TPTE2: variants seen among roughly 807,000 people sequenced by gnomAD.
The protein encoded by TPTE2 is phosphatidylinositol 3,4,5-trisphosphate 3-phosphatase TPTE2.
Under a neutral mutation model 78.6 loss-of-function variants are expected in TPTE2, and 53 were observed. The observed-to-expected ratio is 0.67, with a 90% CI of 0.54 to 0.85. The LOEUF (loss-of-function observed/expected upper bound fraction) is 0.85. Ranked by LOEUF, TPTE2 falls within the 40% of genes least tolerant of loss-of-function variation. The pLI is 0.00. For synonymous variants in TPTE2, 175 were observed against 206.2 expected (o/e 0.85, Z 1.30); for missense variants, 461 against 623.0 (o/e 0.74, Z 2.77).
intron 4 of TPTE2, among the ~76,000 whole-genome samples, chr13:19,477,016 G>T (rs1467171882): frequency 6.6e-6 from 1 of 152,096 alleles, no homozygotes; most frequent in Non-Finnish European, 1.5e-5. Context: ...ATATACCATG[G>T]AATACTATGC....
At chr13:19,561,018 C>G in the TPTE2 span, 5 of 1,579,098 alleles carry the variant, frequency 3.2e-6, no homozygotes, top group Non-Finnish European at 4.3e-6. Context: ...TCCCCACAGA[C>G]CAGGCAGAGG....
At chr13:19,426,510 T>C (rs1876091832) in exon 18 of TPTE2, 3 of 1,560,022 alleles carry the variant, frequency 1.9e-6, no homozygotes, top group Non-Finnish European at 2.7e-6. Flanking sequence ...TTCAATGTCA[T>C]GCAATATCTA....
chr13:19,459,401 A>T (rs1487961454), intron 10 of TPTE2, among the ~76,000 whole-genome samples: 1 of 152,186 alleles, frequency 6.6e-6, no homozygotes, highest in Non-Finnish European at 1.5e-5. Flanking sequence ...ACCTGTAGCC[A>T]GCCCGCACAT....
chr13:19,543,673 T>G, the TPTE2 span, among the ~76,000 whole-genome samples: 3 of 152,048 alleles, frequency 2.0e-5, no homozygotes, highest in Non-Finnish European at 2.9e-5. Flanking sequence ...AATATTTTCA[T>G]AAATAATCGC....
At chr13:19,459,288 G>A (rs1878737546) in intron 10 of TPTE2, among the ~76,000 whole-genome samples, 1 of 152,014 alleles carries the variant, frequency 6.6e-6, no homozygotes, top group African/African-American at 2.4e-5. Context: ...GTAAATTTAA[G>A]TTCCTCATAG....
intron 18 of TPTE2, among the ~76,000 whole-genome samples, chr13:19,425,443 C>T (rs1282531314): frequency 6.6e-6 from 1 of 152,066 alleles, no homozygotes; most frequent in African/African-American, 2.4e-5. Flanking sequence ...GTTCAGTCAC[C>T]CTCAGCAGTT....
At chr13:19,469,407 A>G (rs913172175) in intron 6 of TPTE2, among the ~76,000 whole-genome samples, 1 of 152,106 alleles carries the variant, frequency 6.6e-6, no homozygotes, top group Non-Finnish European at 1.5e-5. Context: ...TGCCAGTGCC[A>G]TGGTGTTTTG....
At chr13:19,552,440 C>A in the TPTE2 span, 3 of 401,376 alleles carry the variant, frequency 7.5e-6, no homozygotes, top group East Asian at 7.4e-5. Flanking sequence ...TGTCAGATTT[C>A]TTTTAGGACA....
chr13:19,545,258 A>G, the TPTE2 span, among the ~76,000 whole-genome samples: 4 of 152,206 alleles, frequency 2.6e-5, no homozygotes, highest in South Asian at 8.3e-4. Flanking sequence ...GAGAGGAATC[A>G]GGTACCATTG....
chr13:19,491,700 C>CT (rs1484818636), intron 3 of TPTE2, among the ~76,000 whole-genome samples: 1 of 151,988 alleles, frequency 6.6e-6, no homozygotes, highest in Non-Finnish European at 1.5e-5. Context: ...TGGCACATGA[C>CT]TGCAGTCCCA....
intron 3 of TPTE2, among the ~76,000 whole-genome samples, chr13:19,482,853 T>G (rs1880443195): frequency 6.6e-6 from 1 of 150,988 alleles, no homozygotes; most frequent in African/African-American, 2.4e-5. Context: ...ATATAATATA[T>G]AAATAATATA....
Position 19,484,046 on chromosome 13 carries a change from G to C in TPTE2, c.120-1499C>G, listed in dbSNP as rs369586506. 7.3e-5 allele frequency among the ~76,000 whole-genome samples: 11 copies of C among 151,560 alleles called. No homozygotes were observed. In the East Asian group the frequency reaches 2.1e-3, roughly 29 times the overall value. Reference sequence around the variant, plus strand: ...GTGATGTTTGGTGTTTTGTCCTTGCGATAGGTTGCTGAAAAAATGATGAGT... The same window carrying C: ...GTGATGTTTGGTGTTTTGTCCTTGCCATAGGTTGCTGAAAAAATGATGAGT... On this transcript the variant is annotated intron_variant, in intron 3 of 19. Transcript: ENST00000400230.
rs1370312315 is a variant in TPTE2, at chr13:19,486,053, T to G, written c.120-3506A>C. On this transcript the variant is annotated intron_variant, in intron 3 of 19. Transcript: ENST00000400230. The surrounding 1 kb of genome is among the most constrained non-coding windows in gnomAD (Gnocchi z 4.3). ...TATTACTGGATAATTATTATTTCCC[T>G]TTGTAGATGACATGTTTTCTTGCAT... 3.3e-5 allele frequency among the ~76,000 whole-genome samples: 5 copies of G among 152,208 alleles called. No individual in the cohort carries two copies. The highest frequency in any genetic ancestry group is 5.9e-5 in the Non-Finnish European group (4 of 68,022).
the TPTE2 span, chr13:19,560,877 G>A: frequency 2.6e-6 from 4 of 1,568,604 alleles, no homozygotes; most frequent in East Asian, 2.4e-5. Context: ...CAGGCCTTGC[G>A]TCTCCGCTTG....
intron 13 of TPTE2, among the ~76,000 whole-genome samples, chr13:19,441,047 A>G (rs575350338): frequency 6.6e-6 from 1 of 151,900 alleles, no homozygotes; most frequent in East Asian, 1.9e-4. Context: ...AGACTGCGCC[A>G]TTGCACTCCA....
intron 15 of TPTE2, among the ~76,000 whole-genome samples, chr13:19,434,539 C>T (rs1226584167): frequency 6.6e-6 from 1 of 152,188 alleles, no homozygotes; most frequent in African/African-American, 2.4e-5. Context: ...GGCTGCACTT[C>T]AGTAAATTCA....
upstream of TPTE2, among the ~76,000 whole-genome samples, chr13:19,503,964 TCTC>T (rs1868810916): frequency 6.6e-6 from 1 of 151,916 alleles, no homozygotes; most frequent in Non-Finnish European, 1.5e-5. Flanking sequence ...ATGGGCTCGA[TCTC>T]CTGATCTCGT....
chr13:19,549,549 T>C, the TPTE2 span, among the ~76,000 whole-genome samples: 19 of 151,320 alleles, frequency 1.3e-4, no homozygotes, highest in Admixed American at 1.0e-3. Context: ...TATACACTGT[T>C]GGTGGAAATG....
intron 19 of TPTE2, among the ~76,000 whole-genome samples, chr13:19,423,638 C>A (rs1875773552): frequency 6.6e-6 from 1 of 152,236 alleles, no homozygotes; most frequent in South Asian, 2.1e-4. Context: ...AATTGGTTAA[C>A]CCATTTATGC....
Sources: gnomAD v4.1 joint callset for allele counts (sites outside exome capture counted in the v4.1 genomes callset) on GRCh38, gnomAD v4.1.1 for gene constraint, Gnocchi (gnomAD v3.1) non-coding constraint, MANE v1.5 for transcripts, NCBI Gene and HGNC (gene_info 2026-07-23, HGNC 2026-07-21) for gene names.